IL33: variants seen among roughly 807,000 people sequenced by gnomAD.
The protein encoded by IL33 is interleukin 33, also known as interleukin-33.
A neutral mutation model predicts 27.3 loss-of-function variants in IL33; 37 were observed. The observed-to-expected ratio is 1.36, with a 90% CI of 1.04 to 1.78. The LOEUF (loss-of-function observed/expected upper bound fraction) is 1.78. Ranked by LOEUF, IL33 falls within the 40% of genes most tolerant of loss-of-function variation. The pLI is 0.00. For synonymous variants in IL33, 132 were observed against 102.9 expected (o/e 1.28, Z -1.71); for missense variants, 406 against 311.4 (o/e 1.30, Z -2.29).
intron 1 of IL33, among the ~76,000 whole-genome samples, chr9:6,219,527 A>G (rs934119574): frequency 6.6e-6 from 1 of 152,144 alleles, no homozygotes; most frequent in African/African-American, 2.4e-5. Flanking sequence ...CATAATAGTA[A>G]AGACACAAAT....
intron 4 of IL33, among the ~76,000 whole-genome samples, chr9:6,252,202 A>G (rs1461712733): frequency 6.6e-6 from 1 of 152,096 alleles, no homozygotes; most frequent in Non-Finnish European, 1.5e-5. Context: ...GTATTTCTAA[A>G]TCATTTACTT....
intron 2 of IL33, among the ~76,000 whole-genome samples, chr9:6,245,682 T>C (rs1819794182): frequency 6.6e-6 from 1 of 151,978 alleles, no homozygotes; most frequent in Admixed American, 6.6e-5. Context: ...ATTCAGAAGG[T>C]GAAATCAAAA....
At chr9:6,229,964 A>G (rs1237683151) in intron 1 of IL33, among the ~76,000 whole-genome samples, 1 of 152,184 alleles carries the variant, frequency 6.6e-6, no homozygotes, top group Non-Finnish European at 1.5e-5. Context: ...ATGAGGTAGC[A>G]CTAGCAAGAG....
At chr9:6,223,480 T>G (rs2130114193) in intron 1 of IL33, among the ~76,000 whole-genome samples, 1 of 152,118 alleles carries the variant, frequency 6.6e-6, no homozygotes, top group South Asian at 2.1e-4. Context: ...ATATATCATG[T>G]TTTTCTATCA....
At chr9:6,237,957 C>T (rs1428623461) in intron 1 of IL33, among the ~76,000 whole-genome samples, 2 of 152,070 alleles carry the variant, frequency 1.3e-5, no homozygotes, top group Non-Finnish European at 2.9e-5. Context: ...AATTGGGTTC[C>T]CTATCTTATT....
intron 1 of IL33, among the ~76,000 whole-genome samples, chr9:6,217,000 A>G (rs1013635542): frequency 2.0e-5 from 3 of 152,152 alleles, no homozygotes; most frequent in Non-Finnish European, 2.9e-5. Context: ...AATCTCCCCA[A>G]AAATTTGGAG....
chr9:6,255,881 T>G (rs1332290), intron 7 of IL33, 87 bp from the exon 8 acceptor site: 599,089 of 1,005,546 alleles, frequency 0.6, 184,274 homozygotes, highest in Non-Finnish European at 0.64. Flanking sequence ...TAAATAAGTA[T>G]TCCCCTTTAG....
intron 7 of IL33, 29 bp downstream of exon 7, chr9:6,254,582 T>C (rs202245209): frequency 7.0e-5 from 91 of 1,300,924 alleles, no homozygotes; most frequent in Admixed American, 9.3e-5. Context: ...TCTATATCTA[T>C]ATATATGATT....
chr9:6,234,841 AT>A (rs1819106610), intron 1 of IL33, among the ~76,000 whole-genome samples: 1 of 152,136 alleles, frequency 6.6e-6, no homozygotes, highest in Admixed American at 6.5e-5. Context: ...GATGTTTCTC[AT>A]TTGCTTTAGA....
intron 1 of IL33, among the ~76,000 whole-genome samples, chr9:6,219,413 G>A (rs140021489): frequency 3.9e-5 from 6 of 152,160 alleles, no homozygotes; most frequent in Admixed American, 6.5e-5. Flanking sequence ...TCCCTATAGC[G>A]GACTCCTGGC....
At chr9:6,253,920 G>A (rs747204158) in intron 6 of IL33, among the ~76,000 whole-genome samples, 3 of 152,170 alleles carry the variant, frequency 2.0e-5, no homozygotes, top group Non-Finnish European at 4.4e-5. Context: ...CTTCTATCTT[G>A]TGGTTCTGCC....
At chr9:6,227,447 G>T (rs546321986) in intron 1 of IL33, among the ~76,000 whole-genome samples, 13 of 152,204 alleles carry the variant, frequency 8.5e-5, no homozygotes, top group Non-Finnish European at 1.6e-4. Context: ...GCTGTTCATG[G>T]TAACTAACCC....
chr9:6,248,659 C>T (rs973719994), intron 2 of IL33, among the ~76,000 whole-genome samples: 2 of 152,070 alleles, frequency 1.3e-5, no homozygotes, highest in Non-Finnish European at 2.9e-5. Context: ...ACTACAGCCT[C>T]AAACTCCCAG....
intron 1 of IL33, among the ~76,000 whole-genome samples, chr9:6,231,753 A>G (rs1818937503): frequency 2.6e-5 from 4 of 152,192 alleles, no homozygotes; most frequent in Admixed American, 1.3e-4. Flanking sequence ...CTGTAGTACA[A>G]GCAAATGCAA....
intron 1 of IL33, among the ~76,000 whole-genome samples, chr9:6,235,534 T>C (rs1396875014): frequency 6.6e-6 from 1 of 152,188 alleles, no homozygotes; most frequent in Non-Finnish European, 1.5e-5. Context: ...TACCACATAA[T>C]ATTTGAAAAC....
rs1323408762 is a variant in IL33 at position 6,241,685 on chromosome 9, A to C, written c.-10A>C. On this transcript the variant is annotated splice_region_variant and 5_prime_UTR_variant, in exon 2 of 8. Transcript: ENST00000682010. ...TAATATTATATTTTAATCCAACAGA[A>C]TACTGAAAAATGAAGCCTAAAATGA... is the stretch of plus-strand genomic sequence containing the variant. The C allele has an allele frequency of 3.2e-6, 5 of 1,577,250 alleles. No homozygotes were observed. The African/African-American group carries it at 4.1e-5, about 13-fold the overall frequency.
Position 6,257,073 on chromosome 9 carries a change from C to A in IL33, c.*905C>A, listed in dbSNP as rs1816779239. On this transcript the variant is annotated 3_prime_UTR_variant, in exon 8 of 8. Coordinates refer to ENST00000682010, the MANE Select transcript of IL33 (RefSeq NM_033439.4). ...CAACTATCATGGTAAGGCCAGAAAT[C>A]TTCTAACCTACCAGAGCCTAGATGA... 6.6e-6 allele frequency: 1 copy of A among 151,888 alleles called. No homozygotes were observed. The highest frequency in any genetic ancestry group is 2.1e-4 in the South Asian group (1 of 4,822). 9.4% of individuals were successfully genotyped at this position (151,888 alleles called of 1,614,324 possible).
intron 1 of IL33, among the ~76,000 whole-genome samples, chr9:6,236,497 G>A (rs1819217910): frequency 6.6e-6 from 1 of 152,168 alleles, no homozygotes; most frequent in African/African-American, 2.4e-5. Context: ...TATATGTTAT[G>A]CAATAAACAC....
At chr9:6,245,095 C>T (rs373507780) in intron 2 of IL33, among the ~76,000 whole-genome samples, 10 of 152,256 alleles carry the variant, frequency 6.6e-5, no homozygotes, top group African/African-American at 2.4e-4. Flanking sequence ...TTCTTTCCCC[C>T]ACATCCATCA....
Sources: allele counts gnomAD v4.1 joint callset (sites outside exome capture counted in the v4.1 genomes callset), GRCh38; gene constraint gnomAD v4.1.1; transcripts MANE v1.5; gene names NCBI Gene and HGNC (gene_info 2026-07-23, HGNC 2026-07-21).